FAM110A: variants seen among roughly 807,000 people sequenced by gnomAD.
FAM110A encodes family with sequence similarity 110 member A.
FAM110A carries 1 observed loss-of-function variant against 4.0 expected under a neutral mutation model. That is an observed-to-expected ratio of 0.25 (90% CI 0.09 to 1.20). The LOEUF (loss-of-function observed/expected upper bound fraction) is 1.20. FAM110A is among the 50% of genes most tolerant of loss of function. FAM110A has a pLI of 0.50. For missense variants in FAM110A, 436 were observed against 429.2 expected, an observed-to-expected ratio of 1.02 and a Z score of -0.14; for synonymous variants, 217 against 196.8, an observed-to-expected ratio of 1.10 and a Z score of -0.86.
rs1298544020 is a variant in FAM110A at position 844,818 on chromosome 20, C to G, written c.14C>G (p.Thr5Arg). The G allele has an allele frequency of 6.7e-7, 1 of 1,496,664 alleles. No homozygotes were observed. Among genetic ancestry groups the G allele is most frequent in the African/African-American group, 1.4e-5 (1 of 71,502 alleles). The allele number at this position is 1,496,664 out of a possible 1,614,324, so 92.7% of individuals were successfully genotyped here. The change falls in exon 2 of 2, where the codon ACG becomes AGG. Residue 5 changes from threonine to arginine, a missense_variant. Physicochemically the swap from Thr to Arg is moderately conservative, Grantham distance 71. Transcript: ENST00000381941. MPVH[T>R]LSPGAPSAPA... ...TATGCAGCAGCCATGCCTGTGCACA[C>G]GCTGAGCCCCGGAGCCCCGTCCGCC...
chr20:840,378 C>G lies in FAM110A; in HGVS notation c.-97-4330C>G, dbSNP rs1979821468. ...TGAGGCCTGGGGGACAGCTCCTTCTCTGGGCCTCAGGATTCCCATGAAAAA... is the reference window on the plus strand; with the variant it reads ...TGAGGCCTGGGGGACAGCTCCTTCTGTGGGCCTCAGGATTCCCATGAAAAA... On this transcript the variant is annotated intron_variant, in intron 1 of 1. Coordinates refer to ENST00000381941, the MANE Select transcript of FAM110A (RefSeq NM_001042353.3). This position sits in a 1 kb window ranked among gnomAD's most constrained non-coding sequence, Gnocchi z 4.4. Among the ~76,000 whole-genome samples the G allele has an allele frequency of 6.6e-6, 1 of 152,222 alleles. No homozygotes were observed. The highest frequency in any genetic ancestry group is 1.5e-5 in the Non-Finnish European group (1 of 68,040).
Position 844,818 on chromosome 20 carries a change from C to A in FAM110A, c.14C>A (p.Thr5Lys). The change falls in exon 2 of 2, where the codon ACG (threonine) becomes AAG (lysine). Residue 5 changes from threonine (T) to lysine (K), a missense_variant. By Grantham distance (78) the Thr-to-Lys change is moderately conservative. Transcript: ENST00000381941. MPVH[T>K]LSPGAPSAPA... ...TATGCAGCAGCCATGCCTGTGCACA[C>A]GCTGAGCCCCGGAGCCCCGTCCGCC... 1 of 1,496,782 alleles carries A rather than the reference C, an allele frequency of 6.7e-7. No individual in the cohort carries two copies. Among genetic ancestry groups the A allele is most frequent in the Non-Finnish European group, 8.9e-7 (1 of 1,125,026 alleles). 92.7% of individuals were successfully genotyped at this position (1,496,782 alleles called of 1,614,324 possible). A position where few individuals can be genotyped will look rare whatever the true frequency, so the allele number is the denominator to read the frequency against.
At chr20:836,497 T>C (rs534333459) in intron 1 of FAM110A, among the ~76,000 whole-genome samples, 1 of 152,352 alleles carries the variant, frequency 6.6e-6, no homozygotes, top group African/African-American at 2.4e-5. Context: ...TCACTTAGCA[T>C]AATGCCTTTA....
At position 845,394 on chromosome 20, in the gene FAM110A, G is replaced by A. The variant is rs756396378; in HGVS notation, c.590G>A (p.Arg197Lys). 9.3e-6 allele frequency: 15 copies of A among 1,613,286 alleles called. No homozygotes were observed. Among genetic ancestry groups the A allele is most frequent in the Non-Finnish European group, 1.3e-5 (15 of 1,179,802 alleles). ...SKSDLSERFSRAAADLERFFN... is the reference protein window; with the variant it reads ...SKSDLSERFSKAAADLERFFN... The stretch of plus-strand genomic sequence containing the variant: ...TCGGACTTGAGCGAGCGCTTTTCTA[G>A]GGCAGCCGCTGATCTCGAGCGCTTT... Residue 197 changes from arginine (R) to lysine (K), a missense_variant, in exon 2 of 2, where the codon AGG becomes AAG. Transcript: ENST00000381941.
At position 840,006 on chromosome 20, in the gene FAM110A, G is replaced by T; in HGVS notation, c.-97-4702G>T. On this transcript the variant is annotated intron_variant, in intron 1 of 1. Transcript: ENST00000381941. The surrounding 1 kb of genome is among the most constrained non-coding windows in gnomAD (Gnocchi z 4.4). ...GGCAGCTGTAGGGTCCGGGGCTGGG[G>T]CTGGAAAGGAAGGACTGTTCTTTTC... is the stretch of plus-strand genomic sequence containing the variant. 1 of 1,104,140 alleles carries T rather than the reference G, an allele frequency of 9.1e-7. No homozygotes were observed. The highest frequency in any genetic ancestry group is 1.4e-6 in the Non-Finnish European group (1 of 735,456). 68.4% of individuals were successfully genotyped at this position (1,104,140 alleles called of 1,614,324 possible). A position where few individuals can be genotyped will look rare whatever the true frequency, so the allele number is the denominator to read the frequency against.
chr20:835,590 C>CA (rs2122644184), intron 1 of FAM110A, among the ~76,000 whole-genome samples: 1 of 152,310 alleles, frequency 6.6e-6, no homozygotes, highest in East Asian at 1.9e-4. Flanking sequence ...CCTAGAAGAT[C>CA]AACTTGGTAT....
In FAM110A at chr20:845,762, C is replaced by T; in HGVS notation, c.*70C>T. On this transcript the variant is annotated 3_prime_UTR_variant, in exon 2 of 2. Coordinates refer to ENST00000381941, the MANE Select transcript of FAM110A (RefSeq NM_001042353.3). The stretch of plus-strand genomic sequence containing the variant: ...GCAAGTGGTCCCTGGACCTCTCTTG[C>T]ATCCATTCTCTAGACGGCCGTGTCA... 1 of 1,589,262 alleles carries T rather than the reference C, an allele frequency of 6.3e-7. No individual in the cohort carries two copies. Among genetic ancestry groups the T allele is most frequent in the Admixed American group, 1.8e-5 (1 of 56,108 alleles).
chr20:845,169 AG>A lies in FAM110A; in HGVS notation c.367del (p.Ala123ProfsTer69). 6.4e-7 allele frequency: 1 copy of A among 1,568,616 alleles called. No homozygotes were observed. Among genetic ancestry groups the A allele is most frequent in the South Asian group, 1.2e-5 (1 of 85,712 alleles). On this transcript the variant is annotated frameshift_variant, in exon 2 of 2. Transcript: ENST00000381941. LOFTEE classifies it low-confidence loss of function (END_TRUNC). ...TGTGACAGCCCCGTGTCCCCTGCCG[AG>A]GCCAGCCGCACTCCTGGACGGGCCG... is the stretch of plus-strand genomic sequence containing the variant. ...DLCDSPVSPA[E>X]ASRTPGRAEG...
At chr20:844,003 G>A (rs528369688) in intron 1 of FAM110A, among the ~76,000 whole-genome samples, 5 of 152,248 alleles carry the variant, frequency 3.3e-5, no homozygotes, top group African/African-American at 9.6e-5. Flanking sequence ...GCTGACGGAT[G>A]TCTGGACTCC....
intron 1 of FAM110A, chr20:839,613 C>T: frequency 9.1e-7 from 1 of 1,098,708 alleles, no homozygotes; most frequent in Non-Finnish European, 1.4e-6. Context: ...AGGTCGCTTA[C>T]CCTCCAGACC....
chr20:838,202 C>G (rs910643465), intron 1 of FAM110A, among the ~76,000 whole-genome samples: 5 of 152,124 alleles, frequency 3.3e-5, no homozygotes, highest in South Asian at 4.1e-4. Flanking sequence ...AAAAAAGAAG[C>G]CTTCTGATAC....
Position 845,456 on chromosome 20 carries a change from G to T in FAM110A, c.652G>T (p.Gly218Trp). Residue 218 changes from glycine to tryptophan, a missense_variant, in exon 2 of 2, where the codon GGG becomes TGG. Coordinates refer to ENST00000381941, the MANE Select transcript of FAM110A (RefSeq NM_001042353.3). ...FCGLDPEEAR[G>W]LGVAHLARAS... is the part of the protein sequence containing the mutation. Reference sequence around the variant, plus strand: ...CGGCCTGGACCCGGAGGAGGCGAGAGGGTTGGGTGTGGCCCACCTGGCACG... The same window carrying T: ...CGGCCTGGACCCGGAGGAGGCGAGATGGTTGGGTGTGGCCCACCTGGCACG... 1 of 1,613,650 alleles carries T rather than the reference G, an allele frequency of 6.2e-7. No homozygotes were observed. The highest frequency in any genetic ancestry group is 8.5e-7 in the Non-Finnish European group (1 of 1,179,840).
At chr20:835,196 C>CTA (rs1479779616) in intron 1 of FAM110A, among the ~76,000 whole-genome samples, 1,391 of 125,344 alleles carry the variant, frequency 0.011, 13 homozygotes, top group Middle Eastern at 0.017. Context: ...CTCTCTCTCT[C>CTA]TCTCTATATA....
chr20:843,544 G>A (rs1980062908), intron 1 of FAM110A, among the ~76,000 whole-genome samples: 2 of 152,220 alleles, frequency 1.3e-5, no homozygotes, highest in Non-Finnish European at 1.5e-5. Flanking sequence ...CTATTGAGCT[G>A]GACAGCACGG....
intron 1 of FAM110A, among the ~76,000 whole-genome samples, chr20:837,907 CTT>C (rs754428253): frequency 2.1e-5 from 3 of 145,060 alleles, no homozygotes; most frequent in Middle Eastern, 3.5e-3. Flanking sequence ...GGACCCTGTC[CTT>C]TTTTTTTTTT....
In FAM110A at chr20:839,979, T is replaced by A; in HGVS notation, c.-97-4729T>A. 2.2e-6 allele frequency: 3 copies of A among 1,375,422 alleles called. No individual in the cohort carries two copies. The South Asian group carries it at 3.6e-5, about 16-fold the overall frequency. The allele number at this position is 1,375,422 out of a possible 1,614,324, so 85.2% of individuals were successfully genotyped here. A position where few individuals can be genotyped will look rare whatever the true frequency, so the allele number is the denominator to read the frequency against. On this transcript the variant is annotated intron_variant, in intron 1 of 1. Transcript: ENST00000381941. ...CCGGTTCTTCTTAGGCATCAGCATC[T>A]TGGCAGCTGTAGGGTCCGGGGCTGG...
intron 1 of FAM110A, among the ~76,000 whole-genome samples, chr20:835,225 T>C (rs56106100): frequency 1.6e-4 from 24 of 146,854 alleles, no homozygotes; most frequent in African/African-American, 5.4e-4. Flanking sequence ...CACACACACA[T>C]ATATACACAC....
At chr20:842,678 G>A (rs192704548) in intron 1 of FAM110A, among the ~76,000 whole-genome samples, 59 of 152,248 alleles carry the variant, frequency 3.9e-4, no homozygotes, top group Non-Finnish European at 6.8e-4. Flanking sequence ...AGATATGTTC[G>A]CAGACATATT....
Position 845,707 on chromosome 20 carries a change from G to A in FAM110A, c.*15G>A. On this transcript the variant is annotated 3_prime_UTR_variant, in exon 2 of 2. Transcript: ENST00000381941. ...CTGAAGGCTAGGCGCCACTGGGCCTGGAATTCGCCACAGGACGGATCTTAC... is the reference window on the plus strand; with the variant it reads ...CTGAAGGCTAGGCGCCACTGGGCCTAGAATTCGCCACAGGACGGATCTTAC... The A allele has an allele frequency of 6.2e-7, 1 of 1,613,816 alleles. No individual in the cohort carries two copies. Among genetic ancestry groups the A allele is most frequent in the Middle Eastern group, 1.6e-4 (1 of 6,062 alleles).
Sources: allele counts gnomAD v4.1 joint callset (sites outside exome capture counted in the v4.1 genomes callset), GRCh38; gene constraint gnomAD v4.1.1; non-coding constraint Gnocchi (gnomAD v3.1); transcripts MANE v1.5; gene names NCBI Gene and HGNC (gene_info 2026-07-23, HGNC 2026-07-21).